TRMT11: variants seen among roughly 807,000 people sequenced by gnomAD.
TRMT11 encodes the protein tRNA (guanine(10)-N(2))-methyltransferase TRMT11.
Under a neutral mutation model 62.8 loss-of-function variants are expected in TRMT11, and 53 were observed. The observed-to-expected ratio is 0.84, with a 90% confidence interval of 0.68 to 1.06. The LOEUF (loss-of-function observed/expected upper bound fraction) is 1.06, where lower values mean the gene tolerates loss of function less well. Ranked by LOEUF, TRMT11 falls within the 50% of genes least tolerant of loss-of-function variation. The pLI is 0.00. For missense variants in TRMT11, 556 were observed against 553.4 expected, an observed-to-expected ratio of 1.00 and a Z score of -0.05; for synonymous variants, 188 against 190.3, an observed-to-expected ratio of 0.99 and a Z score of 0.10.
At chr6:126,180,899 A>AT (rs1196531064) in intron 1 of TRMT11, among the ~76,000 whole-genome samples, 1 of 152,212 alleles carries the variant, frequency 6.6e-6, no homozygotes, top group East Asian at 1.9e-4. Flanking sequence ...TTTAAAGCGC[A>AT]AAGGGCATTC....
intron 12 of TRMT11, 24 bp downstream of exon 12, chr6:126,021,304 G>T (rs1795777398): frequency 6.2e-7 from 1 of 1,609,376 alleles, no homozygotes; most frequent in African/African-American, 1.3e-5. Flanking sequence ...GTATTTTTGG[G>T]ATAAATTCTG....
chr6:126,060,662 A>G (rs1271530289), intron 17 of TRMT11, among the ~76,000 whole-genome samples: 1 of 152,222 alleles, frequency 6.6e-6, no homozygotes, highest in African/African-American at 2.4e-5. Context: ...AGGTGAGGAC[A>G]AGGCCTGGGC....
intron 17 of TRMT11, among the ~76,000 whole-genome samples, chr6:126,083,985 T>A (rs1018210518): frequency 1.3e-5 from 2 of 152,300 alleles, no homozygotes; most frequent in Admixed American, 6.5e-5. Context: ...CTTTTTCCAT[T>A]TGTCCATTGA....
intron 17 of TRMT11, among the ~76,000 whole-genome samples, chr6:126,056,007 A>G (rs1776364343): frequency 6.6e-6 from 1 of 152,206 alleles, no homozygotes; most frequent in Admixed American, 6.5e-5. Flanking sequence ...CAAACAATAC[A>G]AGAGAGTCCC....
At chr6:126,064,065 A>G (rs1776616463) in intron 17 of TRMT11, among the ~76,000 whole-genome samples, 1 of 152,102 alleles carries the variant, frequency 6.6e-6, no homozygotes, top group African/African-American at 2.4e-5. Context: ...TCAGTGGATT[A>G]GAAGGAGCTA....
upstream of TRMT11, among the ~76,000 whole-genome samples, chr6:126,172,432 G>T (rs1286730638): frequency 1.3e-5 from 2 of 152,148 alleles, no homozygotes; most frequent in African/African-American, 2.4e-5. Flanking sequence ...GTCAAGGTTG[G>T]ACCATGGCTG....
At chr6:126,083,616 T>G (rs1213968398) in intron 17 of TRMT11, among the ~76,000 whole-genome samples, 2 of 152,064 alleles carry the variant, frequency 1.3e-5, no homozygotes, top group African/African-American at 2.4e-5. Flanking sequence ...GCCATTTTTG[T>G]TTTTGTTTTT....
chr6:126,136,735 A>G (rs955569731), intron 21 of TRMT11, among the ~76,000 whole-genome samples: 1 of 151,906 alleles, frequency 6.6e-6, no homozygotes, highest in Non-Finnish European at 1.5e-5. Context: ...TTCAAATTAC[A>G]TGACAAAACT....
chr6:126,268,260 A>G, the TRMT11 span, among the ~76,000 whole-genome samples: 1 of 152,164 alleles, frequency 6.6e-6, no homozygotes, highest in African/African-American at 2.4e-5. Flanking sequence ...GGTTTCCAGC[A>G]TGTGGGTGAT....
At chr6:126,122,757 T>C (rs566688604) in intron 21 of TRMT11, among the ~76,000 whole-genome samples, 1 of 152,222 alleles carries the variant, frequency 6.6e-6, no homozygotes, top group East Asian at 1.9e-4. Context: ...TATCTTTGGG[T>C]TTTAATTATG....
chr6:126,255,291 C>T, the TRMT11 span, among the ~76,000 whole-genome samples: 4 of 152,178 alleles, frequency 2.6e-5, no homozygotes. Context: ...CACAGGCTCT[C>T]TTTAGCACTT....
chr6:126,195,209 CTT>C (rs1462411573), intron 1 of TRMT11, among the ~76,000 whole-genome samples: 1 of 152,138 alleles, frequency 6.6e-6, no homozygotes, highest in African/African-American at 2.4e-5. Context: ...TGTGTTTCCT[CTT>C]TTAAAAGGCA....
intron 17 of TRMT11, among the ~76,000 whole-genome samples, chr6:126,056,480 C>T (rs539938864): frequency 6.6e-6 from 1 of 152,282 alleles, no homozygotes; most frequent in East Asian, 1.9e-4. Flanking sequence ...TAGCCAGAAG[C>T]GGTAGCCTCT....
chr6:126,241,139 C>T, the TRMT11 span, among the ~76,000 whole-genome samples: 1 of 152,210 alleles, frequency 6.6e-6, no homozygotes, highest in Non-Finnish European at 1.5e-5. Flanking sequence ...AGGGAATTCC[C>T]TGACCCCTTG....
intron 21 of TRMT11, among the ~76,000 whole-genome samples, chr6:126,139,007 A>G (rs1010514780): frequency 3.9e-5 from 6 of 152,032 alleles, no homozygotes; most frequent in Non-Finnish European, 7.4e-5. Context: ...ATATTAACCT[A>G]GGAAAACAAT....
intron 17 of TRMT11, among the ~76,000 whole-genome samples, chr6:126,090,873 C>G (rs1334124545): frequency 6.6e-6 from 1 of 152,066 alleles, no homozygotes; most frequent in Non-Finnish European, 1.5e-5. Flanking sequence ...AACAGATGTC[C>G]TCTCTCTTAC....
At chr6:126,047,241 G>A (rs1776086819) in intron 16 of TRMT11, among the ~76,000 whole-genome samples, 1 of 151,652 alleles carries the variant, frequency 6.6e-6, no homozygotes, top group South Asian at 2.1e-4. Flanking sequence ...TCCTGTTTTT[G>A]TGCCCAAATG....
Position 126,103,653 on chromosome 6 carries a change from A to G in TRMT11, c.*1438-9213A>G, listed in dbSNP as rs1777428898. Among the ~76,000 whole-genome samples the G allele has an allele frequency of 3.9e-5, 6 of 152,208 alleles. No individual in the cohort carries two copies. The South Asian group carries it at 1.0e-3, about 26-fold the overall frequency. ...GGGCTCCAGCTTCTTGCTAGCTATC[A>G]GATTAAGCCTTTCTCAGCAATTATT... On this transcript the variant is annotated intron_variant and NMD_transcript_variant, in intron 17 of 22. Coordinates refer to the TRMT11 transcript ENST00000648977.
At chr6:126,074,105 G>A (rs1410054606) in intron 17 of TRMT11, among the ~76,000 whole-genome samples, 1 of 152,122 alleles carries the variant, frequency 6.6e-6, no homozygotes, top group African/African-American at 2.4e-5. Context: ...ATCTGAGTGG[G>A]GGCGTAGCCA....
Sources: allele counts gnomAD v4.1 joint callset (sites outside exome capture counted in the v4.1 genomes callset), GRCh38; gene constraint gnomAD v4.1.1; transcripts MANE v1.5; gene names NCBI Gene and HGNC (gene_info 2026-07-23, HGNC 2026-07-21).